Variants in FBXL17 observed in about 807,000 individuals in gnomAD.
FBXL17 encodes F-box and leucine rich repeat protein 17.
A neutral mutation model predicts 66.2 loss-of-function variants in FBXL17; 22 were observed. The observed-to-expected ratio is 0.33, with a 90% CI of 0.24 to 0.47. FBXL17 has a LOEUF of 0.47. Among genes scored for constraint, FBXL17 ranks in the 20% least tolerant of loss-of-function variants. The pLI, the probability that FBXL17 is intolerant of heterozygous loss-of-function variation, is 1.00. For synonymous variants in FBXL17, 474 were observed against 400.5 expected (o/e 1.18, Z -2.19); for missense variants, 878 against 948.2 (o/e 0.93, Z 0.97).
At chr5:107,961,128 T>C (rs567131979) in intron 7 of FBXL17, among the ~76,000 whole-genome samples, 71 of 152,292 alleles carry the variant, frequency 4.7e-4, no homozygotes, top group Admixed American at 1.3e-3. Flanking sequence ...AAGCAACACA[T>C]GCAAGAAGCA....
At chr5:108,371,080 A>G (rs974314479) in intron 1 of FBXL17, among the ~76,000 whole-genome samples, 6 of 152,200 alleles carry the variant, frequency 3.9e-5, no homozygotes, top group African/African-American at 1.4e-4. Context: ...TTCTGGACAA[A>G]GGACCAGGAA....
intron 7 of FBXL17, among the ~76,000 whole-genome samples, chr5:107,953,490 T>C (rs961505466): frequency 1.3e-5 from 2 of 150,586 alleles, no homozygotes; most frequent in African/African-American, 4.9e-5. Flanking sequence ...GGAAAGGAAC[T>C]AGAACACAGG....
At chr5:107,953,767 A>G (rs1580242500) in intron 7 of FBXL17, among the ~76,000 whole-genome samples, 1 of 152,190 alleles carries the variant, frequency 6.6e-6, no homozygotes, top group Non-Finnish European at 1.5e-5. Flanking sequence ...AATATAATCA[A>G]TAAGTCTTTG....
intron 7 of FBXL17, among the ~76,000 whole-genome samples, chr5:107,886,172 A>G (rs1432852971): frequency 6.6e-6 from 1 of 152,224 alleles, no homozygotes; most frequent in Non-Finnish European, 1.5e-5. Flanking sequence ...TTGTCACAGG[A>G]GTATGAGTTA....
At chr5:108,372,642 C>A (rs1749120791) in intron 1 of FBXL17, among the ~76,000 whole-genome samples, 1 of 152,136 alleles carries the variant, frequency 6.6e-6, no homozygotes, top group South Asian at 2.1e-4. Flanking sequence ...TGAAAGGAAA[C>A]TGTCAACCAA....
intron 5 of FBXL17, among the ~76,000 whole-genome samples, chr5:108,206,154 A>C (rs1197811241): frequency 6.6e-6 from 1 of 152,172 alleles, no homozygotes; most frequent in Non-Finnish European, 1.5e-5. Context: ...TAACTGCAAA[A>C]TTATAATTTT....
intron 6 of FBXL17, among the ~76,000 whole-genome samples, chr5:108,161,333 A>G (rs972282703): frequency 1.4e-4 from 21 of 152,256 alleles, no homozygotes; most frequent in Admixed American, 2.6e-4. Context: ...AATACAAAAA[A>G]AAATTAGCCA....
At chr5:107,919,509 A>G (rs983081359) in intron 7 of FBXL17, among the ~76,000 whole-genome samples, 15 of 152,166 alleles carry the variant, frequency 9.9e-5, no homozygotes, top group African/African-American at 3.4e-4. Flanking sequence ...GGGTAAGGCC[A>G]TAAAGGCTTT....
At position 108,116,424 on chromosome 5, in the gene FBXL17, G is replaced by A. The variant is rs548046652; in HGVS notation, c.1745+69693C>T. ...GGAGGCCAAGGAGGGTGGATCATGA[G>A]GTCAAGAGATCGAGACTGTCCTGGC... On this transcript the variant is annotated intron_variant, in intron 6 of 8. Coordinates refer to ENST00000542267, the MANE Select transcript of FBXL17 (RefSeq NM_001163315.3). Among the ~76,000 whole-genome samples, 6 of 151,812 alleles carry A rather than the reference G, an allele frequency of 4.0e-5. No individual in the cohort carries two copies. In the East Asian group the frequency reaches 9.7e-4, roughly 25 times the overall value.
intron 7 of FBXL17, among the ~76,000 whole-genome samples, chr5:108,015,682 T>C (rs972090909): frequency 6.6e-6 from 1 of 152,158 alleles, no homozygotes; most frequent in Admixed American, 6.5e-5. Flanking sequence ...AGAATGCTTG[T>C]TGGGGTTTCT....
intron 6 of FBXL17, among the ~76,000 whole-genome samples, chr5:108,061,050 G>A (rs972771693): frequency 6.6e-6 from 1 of 151,992 alleles, no homozygotes; most frequent in Non-Finnish European, 1.5e-5. Context: ...ACTTTGGGAG[G>A]GCAAAGTGGG....
intron 5 of FBXL17, among the ~76,000 whole-genome samples, chr5:108,193,561 A>G (rs1489016571): frequency 2.0e-5 from 3 of 152,148 alleles, no homozygotes; most frequent in Admixed American, 6.5e-5. Flanking sequence ...GGGAGGGAAC[A>G]AGGGGTATGA....
chr5:108,058,381 C>A (rs1340375334), intron 6 of FBXL17, among the ~76,000 whole-genome samples: 2 of 152,082 alleles, frequency 1.3e-5, no homozygotes, highest in African/African-American at 2.4e-5. Flanking sequence ...TTTCTACAGT[C>A]TACATGGATT....
intron 8 of FBXL17, among the ~76,000 whole-genome samples, chr5:107,865,851 A>C (rs939472250): frequency 6.6e-6 from 1 of 152,188 alleles, no homozygotes; most frequent in African/African-American, 2.4e-5. Context: ...TTTACTCCAC[A>C]GAAGTACAAA....
At chr5:107,993,485 C>G (rs1753344256) in intron 7 of FBXL17, among the ~76,000 whole-genome samples, 1 of 152,142 alleles carries the variant, frequency 6.6e-6, no homozygotes, top group South Asian at 2.1e-4. Context: ...TCTGACATTT[C>G]TAATAAATTA....
intron 6 of FBXL17, among the ~76,000 whole-genome samples, chr5:108,121,923 T>C (rs1750518988): frequency 6.6e-6 from 1 of 152,174 alleles, no homozygotes; most frequent in African/African-American, 2.4e-5. Flanking sequence ...AAGAGATACT[T>C]TGTTACTCTG....
intron 4 of FBXL17, among the ~76,000 whole-genome samples, chr5:108,254,741 G>A (rs912144123): frequency 3.3e-5 from 5 of 152,134 alleles, no homozygotes; most frequent in African/African-American, 9.7e-5. Context: ...ACAAAGGTGA[G>A]CTAAATAATC....
At chr5:107,896,023 C>T (rs1022048728) in intron 7 of FBXL17, among the ~76,000 whole-genome samples, 4 of 152,080 alleles carry the variant, frequency 2.6e-5, no homozygotes, top group African/African-American at 9.7e-5. Flanking sequence ...CATTGGATCC[C>T]TCTTCCCTGA....
intron 6 of FBXL17, among the ~76,000 whole-genome samples, chr5:108,185,845 T>C (rs1753207231): frequency 6.6e-6 from 1 of 152,200 alleles, no homozygotes; most frequent in South Asian, 2.1e-4. Context: ...AGGTATGTCT[T>C]AGATGGATAA....
Sources: gnomAD v4.1 joint callset for allele counts (sites outside exome capture counted in the v4.1 genomes callset) on GRCh38, gnomAD v4.1.1 for gene constraint, MANE v1.5 for transcripts, NCBI Gene and HGNC (gene_info 2026-07-23, HGNC 2026-07-21) for gene names.